The following ZIK1 variants were observed in gnomAD, a reference collection of about 807,000 sequenced individuals.
The protein encoded by ZIK1 is zinc finger protein interacting with K protein 1, also known as zinc finger protein interacting with ribonucleoprotein K.
A neutral mutation model predicts 10.7 loss-of-function variants in ZIK1; 12 were observed. The ratio of observed to expected loss-of-function variants is 1.12; its 90% CI spans 0.72 to 1.81. ZIK1 has a LOEUF of 1.81. ZIK1 is among the 40% of genes most tolerant of loss of function. The pLI, the probability that ZIK1 is intolerant of heterozygous loss-of-function variation, is 0.00. For synonymous variants in ZIK1, 190 were observed against 205.0 expected (o/e 0.93, Z 0.63); for missense variants, 497 against 585.7 (o/e 0.85, Z 1.56).
chr19:57,584,846 G>C, intron 1 of ZIK1, 106 bp from the exon 2 acceptor site: 4 of 1,320,078 alleles, frequency 3.0e-6, no homozygotes, highest in Non-Finnish European at 4.2e-6. Context: ...AATAATGCAG[G>C]CATCCTCAGT....
rs1374017469 is a variant in ZIK1, at chr19:57,590,369, G to C, written c.558G>C (p.Leu186=). The change falls in exon 4 of 4, where the codon CTG becomes CTC. Residue 186 remains leucine (L), a synonymous_variant. Coordinates refer to ENST00000597850, the MANE Select transcript of ZIK1 (RefSeq NM_001010879.4). ...LPAMLRLLRS[L]VFPGGKKPGT... is the part of the protein sequence containing the mutation. Reference sequence around the variant, plus strand: ...CCATGTTGCGGCTTCTGAGGTCCCTGGTCTTTCCTGGAGGCAAGAAACCCG... The same window carrying C: ...CCATGTTGCGGCTTCTGAGGTCCCTCGTCTTTCCTGGAGGCAAGAAACCCG... 1 of 1,614,050 alleles carries C rather than the reference G, an allele frequency of 6.2e-7. No homozygotes were observed. Among genetic ancestry groups the C allele is most frequent in the African/African-American group, 1.3e-5 (1 of 74,920 alleles).
Position 57,592,256 on chromosome 19 carries a change from C to G in ZIK1, c.*981C>G, listed in dbSNP as rs908533282. The G allele has an allele frequency of 1.3e-5, 2 of 151,978 alleles. No individual in the cohort carries two copies. The highest frequency in any genetic ancestry group is 4.8e-5 in the African/African-American group (2 of 41,376). The allele number at this position is 151,978 out of a possible 1,614,324, so 9.4% of individuals were successfully genotyped here. On this transcript the variant is annotated 3_prime_UTR_variant, in exon 4 of 4. Coordinates refer to ENST00000597850, the MANE Select transcript of ZIK1 (RefSeq NM_001010879.4). ...GGCCGATGTCACGCAGAAGACAACG[C>G]GAGTCACATGTGAACTGTAATTGGT...
intron 3 of ZIK1, chr19:57,589,734 C>T (rs141566071): frequency 8.2e-6 from 8 of 978,808 alleles, no homozygotes; most frequent in African/African-American, 1.8e-5. Context: ...GAAGGCTACT[C>T]AAGGATAATT....
At chr19:57,589,589 T>C (rs970785079) in intron 3 of ZIK1, 1 of 985,346 alleles carries the variant, frequency 1.0e-6, no homozygotes, top group African/African-American at 1.7e-5. Flanking sequence ...CATGAAGATA[T>C]GTGATCATAT....
chr19:57,591,437 C>T lies in ZIK1; in HGVS notation c.*162C>T. On this transcript the variant is annotated 3_prime_UTR_variant, in exon 4 of 4. Coordinates refer to ENST00000597850, the MANE Select transcript of ZIK1 (RefSeq NM_001010879.4). The stretch of plus-strand genomic sequence containing the variant: ...GAGCCTTTGTGAGGGAGCCATCTGC[C>T]TGAAGTTGAACCTCATTCTTCCTTG... 1 of 707,382 alleles carries T rather than the reference C, an allele frequency of 1.4e-6. No individual in the cohort carries two copies. Among genetic ancestry groups the T allele is most frequent in the East Asian group, 2.7e-5 (1 of 36,896 alleles). The allele number at this position is 707,382 out of a possible 1,614,324, so 43.8% of individuals were successfully genotyped here.
rs769275153 is a variant in ZIK1 at position 57,591,282 on chromosome 19, C to G, written c.*7C>G. On this transcript the variant is annotated 3_prime_UTR_variant, in exon 4 of 4. Transcript: ENST00000597850. ...AAAATGTCATAACACATAGAGGCCT[C>G]ATGAATGCAGCAAATGTGGAAGCGC... 7.6e-6 allele frequency: 12 copies of G among 1,587,698 alleles called. No individual in the cohort carries two copies. In the South Asian group the frequency reaches 1.4e-4, roughly 18 times the overall value.
Position 57,590,282 on chromosome 19 carries a change from C to T in ZIK1, c.471C>T (p.Cys157=). Residue 157 remains cysteine (C), a synonymous_variant, in exon 4 of 4, where the codon TGC becomes TGT. Transcript: ENST00000597850. The part of the protein sequence containing the change: ...RDMDRASYVK[C]CLFCMSLKPF... ...TGGACAGAGCCTCATATGTGAAGTGCTGCCTATTCTGTATGTCATTGAAGC... is the reference window on the plus strand; with the variant it reads ...TGGACAGAGCCTCATATGTGAAGTGTTGCCTATTCTGTATGTCATTGAAGC... The T allele has an allele frequency of 4.3e-6, 7 of 1,614,214 alleles. No individual in the cohort carries two copies. The highest frequency in any genetic ancestry group is 5.9e-6 in the Non-Finnish European group (7 of 1,180,036).
chr19:57,586,717 C>CTGATAAAGA (rs1979193262), intron 2 of ZIK1, among the ~76,000 whole-genome samples: 1 of 152,152 alleles, frequency 6.6e-6, no homozygotes, highest in African/African-American at 2.4e-5. Context: ...GTGTATCAGT[C>CTGATAAAGA]CATTTTCACA....
chr19:57,588,503 C>T (rs772541885), intron 2 of ZIK1, 36 bp from the exon 3 acceptor site: 21 of 1,398,826 alleles, frequency 1.5e-5, no homozygotes, highest in East Asian at 2.6e-5. Flanking sequence ...CTTGTGGAGG[C>T]GTTGATTGTG....
rs1979880823 is a variant in ZIK1 at position 57,593,488 on chromosome 19, C to T, written c.*2213C>T. ...CTGTTGCAAATAATGCTACTATGAACATAGGCATATAACTCTTAATATGCA... is the reference window on the plus strand; with the variant it reads ...CTGTTGCAAATAATGCTACTATGAATATAGGCATATAACTCTTAATATGCA... On this transcript the variant is annotated 3_prime_UTR_variant, in exon 4 of 4. Transcript: ENST00000597850. The T allele has an allele frequency of 6.6e-6, 1 of 152,114 alleles. No individual in the cohort carries two copies. Among genetic ancestry groups the T allele is most frequent in the Non-Finnish European group, 1.5e-5 (1 of 68,036 alleles). 9.4% of individuals were successfully genotyped at this position (152,114 alleles called of 1,614,324 possible). A position where few individuals can be genotyped will look rare whatever the true frequency, so the allele number is the denominator to read the frequency against.
rs755205751 is a variant in ZIK1 at position 57,590,596 on chromosome 19, C to G, written c.785C>G (p.Thr262Ser). Residue 262 changes from threonine to serine, a missense_variant, in exon 4 of 4, where the codon ACT becomes AGT. Physicochemically the swap from Thr to Ser is moderately conservative, Grantham distance 58 (BLOSUM62 1). Transcript: ENST00000597850. The part of the protein sequence containing the change: ...YSLVQHQRVH[T>S]GERPWECNEC... ...CTTGTTCAGCACCAGAGAGTCCATA[C>G]TGGAGAAAGGCCTTGGGAGTGCAAT... is the stretch of plus-strand genomic sequence containing the variant. 6.2e-7 allele frequency: 1 copy of G among 1,614,126 alleles called. No homozygotes were observed. Among genetic ancestry groups the G allele is most frequent in the Non-Finnish European group, 8.5e-7 (1 of 1,180,058 alleles).
At chr19:57,586,153 C>G (rs1292474627) in intron 2 of ZIK1, among the ~76,000 whole-genome samples, 1 of 152,142 alleles carries the variant, frequency 6.6e-6, no homozygotes, top group Non-Finnish European at 1.5e-5. Context: ...ATCTAGAATT[C>G]TGGAAGTGGT....
chr19:57,589,947 G>GT, intron 3 of ZIK1, 64 bp from the exon 4 acceptor site: 1 of 1,542,742 alleles, frequency 6.5e-7, no homozygotes, highest in Non-Finnish European at 8.8e-7. Context: ...TGGTATGTGT[G>GT]TAATGGGGCT....
rs371388633 is a variant in ZIK1 at position 57,585,041 on chromosome 19, T to C, written c.72+51T>C. 4.4e-5 allele frequency: 69 copies of C among 1,561,388 alleles called. No homozygotes were observed. In the African/African-American group the frequency reaches 8.6e-4, roughly 19 times the overall value. On this transcript the variant is annotated intron_variant, in intron 2 of 3. Coordinates refer to ENST00000597850, the MANE Select transcript of ZIK1 (RefSeq NM_001010879.4). Reference sequence around the variant, plus strand: ...CACTGGTCCTGGCCCCATCCTGGGGTTTTTTCATGGATCTTTTTGCCACCA... The same window carrying C: ...CACTGGTCCTGGCCCCATCCTGGGGCTTTTTCATGGATCTTTTTGCCACCA...
rs762932381 is a variant in ZIK1 at position 57,584,386 on chromosome 19, T to A, written c.30T>A (p.Thr10=). The change falls in exon 1 of 4, where the codon ACT becomes ACA. Residue 10 remains threonine (T), a synonymous_variant. Transcript: ENST00000597850. MAAAALRAP[T]QVTVSPETHM... ...CTGCGGCCGCGCTGAGGGCCCCGAC[T>A]CAGGTGAGCGCTGCCTCTACTGGGC... 18 of 1,607,986 alleles carry A rather than the reference T, an allele frequency of 1.1e-5. No individual in the cohort carries two copies. Among genetic ancestry groups the A allele is most frequent in the African/African-American group, 2.7e-5 (2 of 74,804 alleles).
Position 57,590,021 on chromosome 19 carries a change from T to C in ZIK1, c.210T>C (p.His70=), listed in dbSNP as rs144099316. 1.9e-6 allele frequency: 3 copies of C among 1,612,204 alleles called. No individual in the cohort carries two copies. The highest frequency in any genetic ancestry group is 2.2e-5 in the East Asian group (1 of 44,850). Reference sequence around the variant, plus strand: ...GTTCTCTGCTTTCAGGTTGTGGCCATGGAACAGAGGATGAAGAGACACCTT... The same window carrying C: ...GTTCTCTGCTTTCAGGTTGTGGCCACGGAACAGAGGATGAAGAGACACCTT... ...FALVASLGCG[H]GTEDEETPSD... is the part of the protein sequence containing the mutation. The change falls in exon 4 of 4, where the codon CAT becomes CAC. Residue 70 remains histidine, a synonymous_variant. Transcript: ENST00000597850.
chr19:57,589,884 C>A lies in ZIK1; in HGVS notation c.200-127C>A. The A allele has an allele frequency of 7.3e-6, 9 of 1,233,128 alleles. No individual in the cohort carries two copies. In the South Asian group the frequency reaches 1.4e-4, roughly 20 times the overall value. 76.4% of individuals were successfully genotyped at this position (1,233,128 alleles called of 1,614,324 possible). ...CAGTATTGCAAAGCAACCCCTTCCT[C>A]AACTTGCCCCCAGCTCCATTATCCT... On this transcript the variant is annotated intron_variant, in intron 3 of 3. Transcript: ENST00000597850.
At chr19:57,586,703 T>C (rs1160794366) in intron 2 of ZIK1, among the ~76,000 whole-genome samples, 3 of 152,160 alleles carry the variant, frequency 2.0e-5, no homozygotes, top group Admixed American at 6.5e-5. Flanking sequence ...AAGAGGATGA[T>C]CTGGTGTATC....
At chr19:57,584,600 C>T in intron 1 of ZIK1, 1 of 1,399,512 alleles carries the variant, frequency 7.1e-7, no homozygotes, top group Non-Finnish European at 9.3e-7. Flanking sequence ...AGGTTCATAC[C>T]TGGAGTGCCA....
Sources: gnomAD v4.1 joint callset for allele counts (sites outside exome capture counted in the v4.1 genomes callset) on GRCh38, gnomAD v4.1.1 for gene constraint, MANE v1.5 for transcripts, NCBI Gene and HGNC (gene_info 2026-07-23, HGNC 2026-07-21) for gene names.